CCP110: variants seen among roughly 807,000 people sequenced by gnomAD.
CCP110 encodes the protein centriolar coiled-coil protein of 110 kDa.
Under a neutral mutation model 105.5 loss-of-function variants are expected in CCP110, and 43 were observed. The ratio of observed to expected loss-of-function variants is 0.41; its 90% CI spans 0.32 to 0.53. CCP110 has a LOEUF of 0.53. CCP110 is among the 20% of genes least tolerant of loss of function. The pLI is 0.32. For synonymous variants in CCP110, 353 were observed against 392.1 expected, an observed-to-expected ratio of 0.90 and a Z score of 1.18; for missense variants, 1,016 against 1,189.1, an observed-to-expected ratio of 0.85 and a Z score of 2.14.
Position 19,548,696 on chromosome 16 carries a change from C to T in CCP110, c.2986+96C>T, listed in dbSNP as rs1970541722. ...CATAGAAGTGGAATAGATTGTCTTT[C>T]CTTGCCACCATAATTTTGGCATATT... On this transcript the variant is annotated intron_variant, in intron 14 of 14. Transcript: ENST00000381396. This position sits in a 1 kb window ranked among gnomAD's most constrained non-coding sequence, Gnocchi z 4.1. The T allele has an allele frequency of 1.4e-6, 1 of 733,956 alleles. No individual in the cohort carries two copies. The highest frequency in any genetic ancestry group is 2.2e-6 in the Non-Finnish European group (1 of 449,996). 45.5% of individuals were successfully genotyped at this position (733,956 alleles called of 1,614,324 possible). A position where few individuals can be genotyped will look rare whatever the true frequency, so the allele number is the denominator to read the frequency against.
intron 7 of CCP110, 49 bp from the exon 8 acceptor site, chr16:19,542,829 C>T (rs1970335218): frequency 6.6e-7 from 1 of 1,521,526 alleles, no homozygotes; most frequent in Non-Finnish European, 9.1e-7. Context: ...TTATCTTAGA[C>T]TGTATAAATG....
chr16:19,549,548 G>A (rs1288083647), intron 14 of CCP110, among the ~76,000 whole-genome samples: 1 of 152,146 alleles, frequency 6.6e-6, no homozygotes, highest in African/African-American at 2.4e-5. Flanking sequence ...TAATTTAAAA[G>A]ATCATCTTTG....
At chr16:19,526,655 T>A (rs1969683653) in intron 1 of CCP110, 1 of 151,372 alleles carries the variant, frequency 6.6e-6, no homozygotes, top group African/African-American at 2.4e-5. Flanking sequence ...CTTATTTTTT[T>A]ATAACCTGAT....
intron 1 of CCP110, 29 bp from the exon 2 acceptor site, chr16:19,527,838 A>G: frequency 6.3e-7 from 1 of 1,580,734 alleles, no homozygotes; most frequent in Non-Finnish European, 8.6e-7. Flanking sequence ...TTCCCAGTAC[A>G]TTAAAAATAA....
intron 1 of CCP110, among the ~76,000 whole-genome samples, chr16:19,524,579 C>T (rs1969603948): frequency 6.6e-6 from 1 of 152,292 alleles, no homozygotes; most frequent in East Asian, 1.9e-4. Context: ...CACTCTGGGG[C>T]ATAAACTTGA....
In CCP110 at chr16:19,540,579, T is replaced by G. The variant is rs1970241339; in HGVS notation, c.1919-78T>G. The G allele has an allele frequency of 3.4e-6, 4 of 1,194,030 alleles. No individual in the cohort carries two copies. In the East Asian group the frequency reaches 9.7e-5, roughly 29 times the overall value. 74.0% of individuals were successfully genotyped at this position (1,194,030 alleles called of 1,614,324 possible). The stretch of plus-strand genomic sequence containing the variant: ...CAGGAATACTCTCTTGTCAGAAGGA[T>G]AATTTAAATTGATGGTATAAAATAT... On this transcript the variant is annotated intron_variant, in intron 4 of 14. Coordinates refer to ENST00000381396, the Ensembl canonical transcript of CCP110.
chr16:19,536,649 T>A (rs1383994857), exon 4 of CCP110: 1 of 1,614,056 alleles, frequency 6.2e-7, no homozygotes, highest in Non-Finnish European at 8.5e-7. Context: ...GACATACCTA[T>A]ACGAACTGGC....
At chr16:19,536,610 T>C in exon 4 of CCP110, 1 of 1,614,188 alleles carries the variant, frequency 6.2e-7, no homozygotes, top group Non-Finnish European at 8.5e-7. Context: ...AGCATGAGTA[T>C]GCCAGTTTTA....
At chr16:19,546,374 T>C in intron 11 of CCP110, 38 bp from the exon 12 acceptor site, 1 of 1,193,754 alleles carries the variant, frequency 8.4e-7, no homozygotes, top group Non-Finnish European at 1.2e-6. Flanking sequence ...TCTTCCCTTC[T>C]CTAAATACAT....
intron 4 of CCP110, among the ~76,000 whole-genome samples, chr16:19,540,247 C>CT (rs1419530062): frequency 6.6e-6 from 1 of 152,206 alleles, no homozygotes; most frequent in Non-Finnish European, 1.5e-5. Context: ...CAAGGAAACA[C>CT]TTTCTTTGAA....
chr16:19,528,046 A>G (rs1446518239), intron 2 of CCP110, 24 bp downstream of exon 2: 1 of 1,591,410 alleles, frequency 6.3e-7, no homozygotes, highest in Non-Finnish European at 8.5e-7. Flanking sequence ...GTTTTTAAAT[A>G]GTTTTTTTCT....
exon 15 of CCP110, chr16:19,552,061 G>A (rs2151488367): frequency 6.6e-6 from 1 of 152,194 alleles, no homozygotes; most frequent in South Asian, 2.1e-4. Flanking sequence ...TTTCTATTTA[G>A]TCTGTATATT....
intron 5 of CCP110, among the ~76,000 whole-genome samples, chr16:19,541,601 G>C (rs1970280801): frequency 6.6e-6 from 1 of 151,496 alleles, no homozygotes; most frequent in South Asian, 2.1e-4. Flanking sequence ...ACTCCAGCCT[G>C]GGGGACAGAG....
intron 8 of CCP110, among the ~76,000 whole-genome samples, chr16:19,543,432 T>C (rs1970356108): frequency 6.6e-6 from 1 of 152,230 alleles, no homozygotes; most frequent in Non-Finnish European, 1.5e-5. Flanking sequence ...AGGACCACTA[T>C]TGTGTTAACT....
intron 6 of CCP110, 135 bp from the exon 7 acceptor site, chr16:19,542,486 A>T: frequency 1.6e-6 from 1 of 643,042 alleles, no homozygotes. Flanking sequence ...AAGTCCATAA[A>T]TATTTTAAGT....
intron 1 of CCP110, chr16:19,527,137 A>C (rs1325237010): frequency 6.6e-6 from 1 of 152,210 alleles, no homozygotes; most frequent in East Asian, 1.9e-4. Flanking sequence ...TGATGGTTCC[A>C]ATTTTCAACA....
chr16:19,533,531 G>A (rs1349127024), intron 3 of CCP110, among the ~76,000 whole-genome samples: 1 of 152,152 alleles, frequency 6.6e-6, no homozygotes, highest in Non-Finnish European at 1.5e-5. Flanking sequence ...GCTTTGATTA[G>A]CACTCACTGA....
intron 6 of CCP110, 92 bp from the exon 7 acceptor site, chr16:19,542,529 A>G (rs1352903773): frequency 8.4e-6 from 8 of 954,468 alleles, no homozygotes; most frequent in African/African-American, 1.6e-5. Context: ...GGCAGTTGTT[A>G]TTCTTAATGA....
chr16:19,541,836 T>G (rs1970296610), intron 5 of CCP110, 51 bp from the exon 6 acceptor site: 4 of 1,041,284 alleles, frequency 3.8e-6, no homozygotes, highest in Non-Finnish European at 5.4e-6. Context: ...GATATCATTT[T>G]GGGACATAAT....
Sources: gnomAD v4.1 joint callset for allele counts (sites outside exome capture counted in the v4.1 genomes callset) on GRCh38, gnomAD v4.1.1 for gene constraint, Gnocchi (gnomAD v3.1) non-coding constraint, MANE v1.5 for transcripts, NCBI Gene and HGNC (gene_info 2026-07-23, HGNC 2026-07-21) for gene names.